Variants in STIM2 observed in about 807,000 individuals in gnomAD.
The protein encoded by STIM2 is stromal interaction molecule 2.
STIM2 carries 31 observed loss-of-function variants against 85.8 expected under a neutral mutation model. The ratio of observed to expected loss-of-function variants is 0.36; its 90% CI spans 0.27 to 0.49. The LOEUF is 0.49. STIM2 is among the 20% of genes least tolerant of loss of function. The pLI is 0.98. For missense variants in STIM2, 841 were observed against 927.6 expected (o/e 0.91, Z 1.21); for synonymous variants, 356 against 331.1 (o/e 1.08, Z -0.82).
At chr4:27,015,548 G>T (rs1258928643) in intron 10 of STIM2, among the ~76,000 whole-genome samples, 7 of 151,892 alleles carry the variant, frequency 4.6e-5, no homozygotes, top group African/African-American at 1.7e-4. Flanking sequence ...TTTATTTTCA[G>T]TCTCACTTGA....
intron 1 of STIM2, among the ~76,000 whole-genome samples, chr4:26,918,066 A>T (rs555830101): frequency 2.6e-5 from 4 of 152,196 alleles, no homozygotes; most frequent in African/African-American, 9.6e-5. Flanking sequence ...CAGAACTTAT[A>T]ATTGCATTTC....
At position 26,931,108 on chromosome 4, in the gene STIM2, G is replaced by C. The variant is rs75658755; in HGVS notation, c.282+11474G>C. Reference sequence around the variant, plus strand: ...GAGATACCAGTTTTCTGCCGTATAAGTCTCTCTGTAGGCAGTTTATAACAT... The same window carrying C: ...GAGATACCAGTTTTCTGCCGTATAACTCTCTCTGTAGGCAGTTTATAACAT... On this transcript the variant is annotated intron_variant, in intron 2 of 11. Transcript: ENST00000467087. 4.0e-3 allele frequency among the ~76,000 whole-genome samples: 604 copies of C among 152,300 alleles called. 6 individuals are homozygous for C. The highest frequency in any genetic ancestry group is 0.014 in the African/African-American group (573 of 41,554).
chr4:26,873,385 G>T (rs545835771), intron 1 of STIM2, among the ~76,000 whole-genome samples: 1 of 151,592 alleles, frequency 6.6e-6, no homozygotes, highest in Non-Finnish European at 1.5e-5. Context: ...GGGTGACAGA[G>T]TGAGACTCCG....
At chr4:26,974,854 C>T (rs560643423) in intron 3 of STIM2, among the ~76,000 whole-genome samples, 1 of 152,142 alleles carries the variant, frequency 6.6e-6, no homozygotes, top group African/African-American at 2.4e-5. Context: ...GTCCATTCCC[C>T]CCATCACTTT....
intron 1 of STIM2, among the ~76,000 whole-genome samples, chr4:26,907,463 T>C (rs1009122113): frequency 2.6e-5 from 4 of 152,192 alleles, no homozygotes; most frequent in Non-Finnish European, 5.9e-5. Flanking sequence ...TAACAAGTAC[T>C]GAAGTCTCCA....
intron 2 of STIM2, among the ~76,000 whole-genome samples, chr4:26,929,403 A>G (rs1459578180): frequency 1.3e-5 from 2 of 152,134 alleles, no homozygotes; most frequent in African/African-American, 4.8e-5. Context: ...TTTTTGAAAG[A>G]AATAAGCAAT....
chr4:27,022,250 A>G (rs2109149512), intron 11 of STIM2, among the ~76,000 whole-genome samples: 1 of 152,326 alleles, frequency 6.6e-6, no homozygotes, highest in South Asian at 2.1e-4. Context: ...ATTTTAATTT[A>G]TTTGACAAAA....
chr4:27,009,035 C>G, intron 10 of STIM2, 33 bp downstream of exon 10: 1 of 1,586,796 alleles, frequency 6.3e-7, no homozygotes, highest in Non-Finnish European at 8.6e-7. Flanking sequence ...ATTGTTGGTA[C>G]AGGTTTTAAA....
chr4:27,000,215 G>A (rs572130115), intron 5 of STIM2, among the ~76,000 whole-genome samples: 1 of 152,204 alleles, frequency 6.6e-6, no homozygotes, highest in South Asian at 2.1e-4. Context: ...TCTAAAAAAG[G>A]GTAACTAGAA....
intron 2 of STIM2, among the ~76,000 whole-genome samples, chr4:26,942,791 A>G (rs1725662650): frequency 6.6e-6 from 1 of 152,068 alleles, no homozygotes; most frequent in African/African-American, 2.4e-5. Flanking sequence ...GACTACACGT[A>G]TTAGTCTGTA....
chr4:26,974,164 C>A (rs990200891), intron 3 of STIM2, among the ~76,000 whole-genome samples: 2 of 152,152 alleles, frequency 1.3e-5, no homozygotes, highest in Non-Finnish European at 2.9e-5. Flanking sequence ...ATACAGCACA[C>A]TGATGGGTCT....
At chr4:26,920,440 C>T (rs889169614) in intron 2 of STIM2, among the ~76,000 whole-genome samples, 2 of 152,158 alleles carry the variant, frequency 1.3e-5, no homozygotes, top group Non-Finnish European at 2.9e-5. Context: ...TAGTTTCTCC[C>T]TAAAAGTTGG....
intron 1 of STIM2, among the ~76,000 whole-genome samples, chr4:26,863,772 G>A (rs1722302503): frequency 1.3e-5 from 2 of 152,110 alleles, no homozygotes. Context: ...ATTTTTGAAA[G>A]CATTCTGAGA....
At chr4:26,905,554 G>T (rs982802905) in intron 1 of STIM2, among the ~76,000 whole-genome samples, 1 of 152,180 alleles carries the variant, frequency 6.6e-6, no homozygotes, top group Non-Finnish European at 1.5e-5. Context: ...TGTTTGACCT[G>T]AGCAGTTTTA....
intron 10 of STIM2, among the ~76,000 whole-genome samples, chr4:27,012,790 T>G (rs1427844065): frequency 6.6e-6 from 1 of 152,072 alleles, no homozygotes. Context: ...TTTTTAATGT[T>G]TTTGGTAGAT....
chr4:27,006,275 T>G (rs1163439572), intron 7 of STIM2, among the ~76,000 whole-genome samples: 1 of 152,254 alleles, frequency 6.6e-6, no homozygotes, highest in African/African-American at 2.4e-5. Flanking sequence ...AATTCTTTGT[T>G]TTCACACTAA....
At position 26,885,857 on chromosome 4, in the gene STIM2, A is replaced by ATG. The variant is rs1560194648; in HGVS notation, c.151+24489_151+24490insGT. ...TATATATATATATATATATATATAT[A>ATG]TATATATATATATATATGTATATGT... On this transcript the variant is annotated intron_variant, in intron 1 of 11. Coordinates refer to ENST00000467087, the MANE Select transcript of STIM2 (RefSeq NM_020860.4). Among the ~76,000 whole-genome samples the ATG allele has an allele frequency of 7.4e-4, 50 of 67,794 alleles. 2 individuals carry two copies. The highest frequency in any genetic ancestry group is 1.8e-3 in the Admixed American group (11 of 6,268). 44.5% of individuals were successfully genotyped at this position (67,794 alleles called of 152,430 possible).
intron 2 of STIM2, among the ~76,000 whole-genome samples, chr4:26,939,739 G>A (rs1216795953): frequency 6.6e-6 from 1 of 152,024 alleles, no homozygotes; most frequent in African/African-American, 2.4e-5. Context: ...GAAGGGCTTG[G>A]CAAACAGGTC....
chr4:26,934,913 C>CAAAAAAAA (rs1160656482), intron 2 of STIM2, among the ~76,000 whole-genome samples: 161 of 57,274 alleles, frequency 2.8e-3, no homozygotes, highest in East Asian at 3.2e-3. Flanking sequence ...AACTCCATCT[C>CAAAAAAAA]AAAAAAAAAA....
Sources: allele counts gnomAD v4.1 joint callset (sites outside exome capture counted in the v4.1 genomes callset), GRCh38; gene constraint gnomAD v4.1.1; transcripts MANE v1.5; gene names NCBI Gene and HGNC (gene_info 2026-07-23, HGNC 2026-07-21).